Variants in TTLL5 observed in about 807,000 individuals in gnomAD.
TTLL5 encodes tubulin tyrosine ligase like 5, also known as tubulin polyglutamylase TTLL5.
In TTLL5, 132 loss-of-function variants were observed where a neutral mutation model predicts 168.4. That is an observed-to-expected ratio of 0.78 (90% CI 0.68 to 0.91). TTLL5 has a LOEUF of 0.91. TTLL5 is among the 40% of genes least tolerant of loss of function. TTLL5 has a pLI of 0.00. For missense variants in TTLL5, 1,545 were observed against 1,581.5 expected, an observed-to-expected ratio of 0.98 and a Z score of 0.39; for synonymous variants, 546 against 558.6, an observed-to-expected ratio of 0.98 and a Z score of 0.32.
intron 31 of TTLL5, chr14:75,904,115 T>C: frequency 2.4e-6 from 3 of 1,255,474 alleles, no homozygotes; most frequent in Non-Finnish European, 3.1e-6. Flanking sequence ...GGAAGTATGA[T>C]AGGAGTATAA....
At chr14:75,705,652 G>A (rs1470805689) in intron 7 of TTLL5, among the ~76,000 whole-genome samples, 1 of 152,152 alleles carries the variant, frequency 6.6e-6, no homozygotes, top group Non-Finnish European at 1.5e-5. Flanking sequence ...ATAATCCTGT[G>A]AACAGACTTA....
intron 31 of TTLL5, among the ~76,000 whole-genome samples, chr14:75,913,125 T>C (rs1445227670): frequency 1.3e-5 from 2 of 152,242 alleles, no homozygotes; most frequent in East Asian, 3.8e-4. Flanking sequence ...TCTATTAATA[T>C]ATGCTTGGGA....
chr14:75,775,506 A>G lies in TTLL5; in HGVS notation c.2159A>G (p.Lys720Arg), dbSNP rs754145080. ...TAGGAGCTGGTTGTTCGTTTCCTCA[A>G]GCGAGCATCAAATAACCTCCAGCAT... ...EQMELVVRFL[K>R]RASNNLQHSL... The change falls in exon 22 of 32, where the codon AAG becomes AGG. Residue 720 changes from lysine to arginine, a missense_variant. Lys to Arg is a conservative substitution (Grantham distance 26, BLOSUM62 2). Transcript: ENST00000298832. The G allele has an allele frequency of 4.3e-6, 7 of 1,613,800 alleles. No individual in the cohort carries two copies. The African/African-American group carries it at 9.4e-5, about 22-fold the overall frequency.
At chr14:75,806,272 C>T (rs1893648249) in intron 27 of TTLL5, among the ~76,000 whole-genome samples, 1 of 152,164 alleles carries the variant, frequency 6.6e-6, no homozygotes, top group Non-Finnish European at 1.5e-5. Context: ...CTCAAGTGAT[C>T]TGTCCGCTTC....
intron 28 of TTLL5, among the ~76,000 whole-genome samples, chr14:75,846,792 GAAAAAAAAAAA>G (rs5809732): frequency 1.0e-5 from 1 of 99,224 alleles, no homozygotes; most frequent in Non-Finnish European, 2.0e-5. Context: ...CTCCATCTCA[GAAAAAAAAAAA>G]AAAAAAAAAG....
intron 12 of TTLL5, among the ~76,000 whole-genome samples, chr14:75,730,188 T>C (rs1329634473): frequency 6.6e-6 from 1 of 152,258 alleles, no homozygotes; most frequent in Non-Finnish European, 1.5e-5. Context: ...AAAATGTTTA[T>C]GTAGACTTGT....
At chr14:75,803,531 A>G (rs1893457003) in intron 27 of TTLL5, among the ~76,000 whole-genome samples, 1 of 152,256 alleles carries the variant, frequency 6.6e-6, no homozygotes, top group African/African-American at 2.4e-5. Context: ...AATGTTCTCA[A>G]CTACCACCAT....
intron 2 of TTLL5, among the ~76,000 whole-genome samples, chr14:75,664,506 G>C (rs891815369): frequency 6.6e-6 from 1 of 152,182 alleles, no homozygotes; most frequent in Admixed American, 6.5e-5. Context: ...TACTTTGTAA[G>C]TGCTATACAA....
At chr14:75,844,593 G>GATA (rs1400423683) in intron 28 of TTLL5, among the ~76,000 whole-genome samples, 1 of 152,160 alleles carries the variant, frequency 6.6e-6, no homozygotes, top group Non-Finnish European at 1.5e-5. Context: ...TGTAAGATGG[G>GATA]ATAATACCTG....
At chr14:75,887,588 A>T (rs909188426) in intron 30 of TTLL5, among the ~76,000 whole-genome samples, 1 of 152,148 alleles carries the variant, frequency 6.6e-6, no homozygotes, top group African/African-American at 2.4e-5. Flanking sequence ...AGTTGTGGGG[A>T]TATGAGTACA....
chr14:75,789,534 A>G (rs1207737403), intron 26 of TTLL5, among the ~76,000 whole-genome samples: 2 of 152,192 alleles, frequency 1.3e-5, no homozygotes, highest in Non-Finnish European at 2.9e-5. Flanking sequence ...TTTAACATTG[A>G]ACTATTTTAA....
Position 75,858,431 on chromosome 14 carries a change from T to A in TTLL5, c.3327-5236T>A, listed in dbSNP as rs143474245. Among the ~76,000 whole-genome samples the A allele has an allele frequency of 3.7e-3, 566 of 152,308 alleles. 4 individuals carry two copies. Among genetic ancestry groups the A allele is most frequent in the African/African-American group, 0.013 (549 of 41,564 alleles). On this transcript the variant is annotated intron_variant, in intron 28 of 31. Coordinates refer to ENST00000298832, the MANE Select transcript of TTLL5 (RefSeq NM_015072.5). ...AACCCTGGAGTGTATATCTTTTTAA[T>A]ATTCTGTCTGACAAAATGAGATGTA...
intron 31 of TTLL5, among the ~76,000 whole-genome samples, chr14:75,948,763 C>T (rs1312678619): frequency 2.0e-5 from 3 of 151,974 alleles, no homozygotes; most frequent in Admixed American, 6.5e-5. Flanking sequence ...ATACATGCTT[C>T]GGAGATTAAA....
At position 75,820,009 on chromosome 14, in the gene TTLL5, A is replaced by C. The variant is rs1176360188; in HGVS notation, c.3174A>C (p.Val1058=). ...TATTTCCCTCGCTTTATTTCTAGGT[A>C]ACAAACCTGAATTTGGCAACTGGCA... is the stretch of plus-strand genomic sequence containing the variant. ...SSHINLLTQQ[V]TNLNLATGII... The change falls in exon 28 of 32, where the codon GTA becomes GTC. Residue 1058 remains valine, a splice_region_variant and synonymous_variant. Coordinates refer to ENST00000298832, the MANE Select transcript of TTLL5 (RefSeq NM_015072.5). 1 of 1,595,738 alleles carries C rather than the reference A, an allele frequency of 6.3e-7. No homozygotes were observed. Among genetic ancestry groups the C allele is most frequent in the South Asian group, 1.1e-5 (1 of 87,946 alleles).
At chr14:75,906,141 C>G (rs2033138384) in intron 31 of TTLL5, among the ~76,000 whole-genome samples, 1 of 152,312 alleles carries the variant, frequency 6.6e-6, no homozygotes, top group South Asian at 2.1e-4. Context: ...ATAGTAAACC[C>G]TGTGGAGCCA....
intron 3 of TTLL5, among the ~76,000 whole-genome samples, chr14:75,681,249 C>T (rs1235560191): frequency 6.6e-6 from 1 of 152,026 alleles, no homozygotes; most frequent in Non-Finnish European, 1.5e-5. Flanking sequence ...GTGGCAGGGT[C>T]ACAGATAATG....
chr14:75,689,919 A>T (rs775092995), intron 5 of TTLL5: 98 of 322,786 alleles, frequency 3.0e-4, no homozygotes, highest in Non-Finnish European at 5.0e-4. Flanking sequence ...TGGTTACATA[A>T]TTGTATGTGT....
At chr14:75,787,673 A>G (rs1276570649) in intron 26 of TTLL5, among the ~76,000 whole-genome samples, 4 of 152,298 alleles carry the variant, frequency 2.6e-5, no homozygotes, top group South Asian at 4.1e-4. Flanking sequence ...AATATATAGG[A>G]CCGTGTACCC....
At chr14:75,756,865 A>C (rs777819518) in intron 18 of TTLL5, among the ~76,000 whole-genome samples, 2 of 152,164 alleles carry the variant, frequency 1.3e-5, no homozygotes, top group Non-Finnish European at 2.9e-5. Flanking sequence ...TAAAAGAAAA[A>C]CAAAAGCCTA....
Sources: allele counts gnomAD v4.1 joint callset (sites outside exome capture counted in the v4.1 genomes callset), GRCh38; gene constraint gnomAD v4.1.1; transcripts MANE v1.5; gene names NCBI Gene and HGNC (gene_info 2026-07-23, HGNC 2026-07-21).